AFF4: variants seen among roughly 807,000 people sequenced by gnomAD.
The protein encoded by AFF4 is AF4/FMR2 family member 4.
A neutral mutation model predicts 124.8 loss-of-function variants in AFF4; 13 were observed. The observed-to-expected ratio is 0.10, with a 90% CI of 0.07 to 0.17. AFF4 has a LOEUF of 0.17. Ranked by LOEUF, AFF4 falls within the 10% of genes least tolerant of loss-of-function variation. The probability of loss-of-function intolerance (pLI) is 1.00; values close to 1 mark genes in which losing one functional copy is unlikely to be tolerated. For synonymous variants in AFF4, 477 were observed against 496.1 expected (o/e 0.96, Z 0.51); for missense variants, 1,092 against 1,403.8 (o/e 0.78, Z 3.55).
chr5:132,937,183 G>C lies in AFF4; in HGVS notation c.7C>G (p.Arg3Gly), dbSNP rs764154717. Residue 3 changes from arginine to glycine, a missense_variant, in exon 2 of 21, where the codon CGT becomes GGT. Physicochemically the swap from Arg to Gly is moderately radical, Grantham distance 125 (BLOSUM62 -2). Around this residue, in one of 11 missense-constraint regions of AFF4, gnomAD observed 46 missense variants for 49.0 expected, o/e 0.94. Coordinates refer to ENST00000265343, the MANE Select transcript of AFF4 (RefSeq NM_014423.4). MNREDRNVLRMKE... is the reference protein window; with the variant it reads MNGEDRNVLRMKE... Reference sequence around the variant, plus strand: ...ATACGCAGCACATTCCGGTCTTCACGGTTCATGTTGCTATGAAAAGAAACA... The same window carrying C: ...ATACGCAGCACATTCCGGTCTTCACCGTTCATGTTGCTATGAAAAGAAACA... The C allele has an allele frequency of 1.2e-6, 2 of 1,607,592 alleles. No homozygotes were observed. Among genetic ancestry groups the C allele is most frequent in the Non-Finnish European group, 1.7e-6 (2 of 1,176,628 alleles).
At chr5:132,891,448 A>C (rs1200809401) in intron 13 of AFF4, among the ~76,000 whole-genome samples, 2 of 152,202 alleles carry the variant, frequency 1.3e-5, no homozygotes, top group Non-Finnish European at 2.9e-5. Context: ...CAACCTGGTA[A>C]ACAAATTGAG....
intron 18 of AFF4, 25 bp from the exon 19 acceptor site, chr5:132,885,144 A>T: frequency 1.3e-6 from 2 of 1,556,736 alleles, no homozygotes; most frequent in Non-Finnish European, 1.7e-6. Context: ...AAATGTACTT[A>T]ACAACAACAA....
rs1488713160 is a variant in AFF4 at position 132,886,409 on chromosome 5, C to G, written c.3006-6G>C. The stretch of plus-strand genomic sequence containing the variant: ...GCAAAGACTCGCATCGCAGGCTAGC[C>G]AATGGAAAAGGGCGGCTTATTTACC... On this transcript the variant is annotated splice_region_variant and splice_polypyrimidine_tract_variant and intron_variant, in intron 17 of 20. Transcript: ENST00000265343. 1.9e-6 allele frequency: 3 copies of G among 1,613,094 alleles called. No individual in the cohort carries two copies. In the South Asian group the frequency reaches 3.3e-5, roughly 18 times the overall value.
At position 132,896,492 on chromosome 5, in the gene AFF4, G is replaced by A. The variant is rs1459348972; in HGVS notation, c.2138C>T (p.Pro713Leu). ...ATTCAGGTCAATCTTCACAATAAGT[G>A]GGTACCTGTCATCAGGCTCACTGAG... Reference protein sequence around the residue: ...SPLSEPDDRYPLIVKIDLNLL... With the variant: ...SPLSEPDDRYLLIVKIDLNLL... The change falls in exon 11 of 21, where the codon CCA becomes CTA. Residue 713 changes from proline to leucine, a missense_variant. By Grantham distance (98) the Pro-to-Leu change is moderately conservative. Transcript: ENST00000265343. 4 of 1,614,054 alleles carry A rather than the reference G, an allele frequency of 2.5e-6. No homozygotes were observed. Among genetic ancestry groups the A allele is most frequent in the Non-Finnish European group, 3.4e-6 (4 of 1,180,032 alleles).
At chr5:132,957,500 A>G (rs1761989918) in intron 1 of AFF4, among the ~76,000 whole-genome samples, 1 of 152,088 alleles carries the variant, frequency 6.6e-6, no homozygotes, top group African/African-American at 2.4e-5. Flanking sequence ...TGGGAGGCCG[A>G]GGCAGGCAGA....
At chr5:132,934,971 T>C (rs10039125) in intron 2 of AFF4, 30 bp from the exon 3 acceptor site, 1 of 1,437,710 alleles carries the variant, frequency 7.0e-7, no homozygotes, top group Admixed American at 2.3e-5. Flanking sequence ...AATAAAATTA[T>C]AAAATGAGCA....
intron 17 of AFF4, 39 bp from the exon 18 acceptor site, chr5:132,886,442 CA>C: frequency 6.3e-7 from 1 of 1,585,144 alleles, no homozygotes; most frequent in Non-Finnish European, 8.7e-7. Context: ...ACCAGGACAG[CA>C]AACTCTGGCC....
chr5:132,891,073 A>C (rs968185216), intron 13 of AFF4, among the ~76,000 whole-genome samples: 3 of 151,928 alleles, frequency 2.0e-5, no homozygotes, highest in Non-Finnish European at 4.4e-5. Flanking sequence ...TCAAGAAGCA[A>C]GCACAGAGGC....
chr5:132,962,829 G>T (rs905976365), intron 1 of AFF4, among the ~76,000 whole-genome samples: 1 of 150,592 alleles, frequency 6.6e-6, no homozygotes, highest in Non-Finnish European at 1.5e-5. Flanking sequence ...TTGCGGGGGT[G>T]GGGGTGTGGG....
chr5:132,912,367 T>C (rs1321929165), intron 5 of AFF4, among the ~76,000 whole-genome samples: 1 of 151,852 alleles, frequency 6.6e-6, no homozygotes, highest in Admixed American at 6.6e-5. Flanking sequence ...TAACAAACTG[T>C]GTTTACTTAT....
At chr5:132,916,342 T>G (rs1561493642) in intron 5 of AFF4, among the ~76,000 whole-genome samples, 1 of 151,462 alleles carries the variant, frequency 6.6e-6, no homozygotes, top group Non-Finnish European at 1.5e-5. Flanking sequence ...ACAGGAGGAT[T>G]GCTTTAGCCC....
At chr5:132,886,921 G>A (rs568256903) in intron 17 of AFF4, among the ~76,000 whole-genome samples, 14 of 152,048 alleles carry the variant, frequency 9.2e-5, no homozygotes, top group African/African-American at 3.4e-4. Context: ...CCTCTAAATA[G>A]AGTAGGTCTC....
At chr5:132,924,024 C>T (rs1490500179) in intron 5 of AFF4, among the ~76,000 whole-genome samples, 1 of 151,036 alleles carries the variant, frequency 6.6e-6, no homozygotes, top group Non-Finnish European at 1.5e-5. Context: ...GGGAGGCTAA[C>T]GCAGGTGGAT....
chr5:132,928,385 A>G (rs1761226055), intron 4 of AFF4, among the ~76,000 whole-genome samples: 1 of 152,204 alleles, frequency 6.6e-6, no homozygotes, highest in South Asian at 2.1e-4. Flanking sequence ...TATTTCCACA[A>G]GGACATCTGT....
chr5:132,914,726 A>C (rs926593820), intron 5 of AFF4, among the ~76,000 whole-genome samples: 2 of 152,186 alleles, frequency 1.3e-5, no homozygotes, highest in African/African-American at 4.8e-5. Context: ...GAAAACTGAC[A>C]ATCTCTAGCC....
At chr5:132,893,243 A>G in intron 11 of AFF4, 125 bp from the exon 12 acceptor site, 1 of 763,276 alleles carries the variant, frequency 1.3e-6, no homozygotes, top group Non-Finnish European at 2.2e-6. Context: ...GAAGTACTAT[A>G]ATTCATTTAA....
At chr5:132,910,631 C>T (rs887416792) in intron 5 of AFF4, among the ~76,000 whole-genome samples, 1 of 151,932 alleles carries the variant, frequency 6.6e-6, no homozygotes, top group Non-Finnish European at 1.5e-5. Context: ...GATAAGCTAT[C>T]GGTAAGAAGC....
chr5:132,939,868 C>G (rs551358215), intron 1 of AFF4, among the ~76,000 whole-genome samples: 1 of 152,172 alleles, frequency 6.6e-6, no homozygotes, highest in Non-Finnish European at 1.5e-5. Flanking sequence ...CCTGCCTTGG[C>G]CTCTCAAAGT....
intron 5 of AFF4, among the ~76,000 whole-genome samples, chr5:132,923,852 T>C (rs1371892456): frequency 6.6e-6 from 1 of 152,172 alleles, no homozygotes; most frequent in Non-Finnish European, 1.5e-5. Flanking sequence ...ACATGAATGT[T>C]TATAGATGCT....
Sources: gnomAD v4.1 joint callset for allele counts (sites outside exome capture counted in the v4.1 genomes callset) on GRCh38, gnomAD v4.1.1 for gene constraint, gnomAD v4.1.1 regional missense constraint, MANE v1.5 for transcripts, NCBI Gene and HGNC (gene_info 2026-07-23, HGNC 2026-07-21) for gene names.